Variants in EPB41L4A observed in about 807,000 individuals in gnomAD.
EPB41L4A encodes the protein erythrocyte membrane protein band 4.1 like 4A.
A neutral mutation model predicts 108.6 loss-of-function variants in EPB41L4A; 100 were observed. That is an observed-to-expected ratio of 0.92 (90% CI 0.78 to 1.09). EPB41L4A has a LOEUF of 1.09. Ranked by LOEUF, EPB41L4A falls within the 50% of genes least tolerant of loss-of-function variation. The pLI is 0.00. For synonymous variants in EPB41L4A, 319 were observed against 289.0 expected (o/e 1.10, Z -1.05); for missense variants, 1,030 against 842.7 (o/e 1.22, Z -2.75).
intron 2 of EPB41L4A, among the ~76,000 whole-genome samples, chr5:112,304,315 G>C (rs914856352): frequency 1.1e-4 from 16 of 152,112 alleles, no homozygotes; most frequent in African/African-American, 3.4e-4. Flanking sequence ...CTGTAAAGGA[G>C]CCTCAGGTGC....
chr5:112,326,010 G>C (rs901574212), intron 1 of EPB41L4A, among the ~76,000 whole-genome samples: 4 of 151,964 alleles, frequency 2.6e-5, no homozygotes, highest in African/African-American at 9.7e-5. Flanking sequence ...AATTAGCCAA[G>C]TGGGTGGCAC....
intron 1 of EPB41L4A, among the ~76,000 whole-genome samples, chr5:112,380,701 C>T (rs114914560): frequency 1.6e-3 from 241 of 151,994 alleles, no homozygotes; most frequent in African/African-American, 5.6e-3. Context: ...TTACAAAGCA[C>T]AGGGGAAAAA....
intron 4 of EPB41L4A, among the ~76,000 whole-genome samples, chr5:112,269,504 G>C (rs1365296838): frequency 6.6e-6 from 1 of 152,048 alleles, no homozygotes; most frequent in African/African-American, 2.4e-5. Flanking sequence ...GAACAAGTTA[G>C]AGTTGCTGAG....
At chr5:112,191,404 C>A in intron 17 of EPB41L4A, among the ~76,000 whole-genome samples, 1 of 152,150 alleles carries the variant, frequency 6.6e-6, no homozygotes, top group East Asian at 1.9e-4. Flanking sequence ...AAACAACAAT[C>A]TTTGCTTCTA....
At chr5:112,266,558 G>T (rs1751876611) in intron 4 of EPB41L4A, among the ~76,000 whole-genome samples, 1 of 152,158 alleles carries the variant, frequency 6.6e-6, no homozygotes, top group African/African-American at 2.4e-5. Context: ...CAACTGCTTG[G>T]CTTACTTCCC....
chr5:112,156,902 T>C (rs533429917), intron 12 of EPB41L4A, among the ~76,000 whole-genome samples: 3 of 152,234 alleles, frequency 2.0e-5, no homozygotes, highest in South Asian at 2.1e-4. Flanking sequence ...GTTCAATTCA[T>C]TGAACTTTAC....
chr5:112,273,761 T>C lies in EPB41L4A; in HGVS notation c.335+1565A>G, dbSNP rs765743092. 2.0e-5 allele frequency among the ~76,000 whole-genome samples: 3 copies of C among 152,188 alleles called. 1 individual carries two copies. The highest frequency in any genetic ancestry group is 4.4e-5 in the Non-Finnish European group (3 of 68,022). ...TTTAAAAAATGCTGTCCCCTTGCAA[T>C]TCCCTAACGAGTTACAGATATAAGT... On this transcript the variant is annotated intron_variant, in intron 4 of 22. Transcript: ENST00000261486.
intron 1 of EPB41L4A, among the ~76,000 whole-genome samples, chr5:112,407,800 TAGC>T (rs1050658131): frequency 6.6e-6 from 1 of 152,200 alleles, no homozygotes; most frequent in African/African-American, 2.4e-5. Context: ...ACAAAAGCAT[TAGC>T]AGCAGCAGGA....
chr5:112,287,027 C>G (rs1753330482), intron 2 of EPB41L4A, among the ~76,000 whole-genome samples: 1 of 152,174 alleles, frequency 6.6e-6, no homozygotes, highest in Admixed American at 6.5e-5. Flanking sequence ...GTCTCACTGG[C>G]CACGTCTTCA....
intron 12 of EPB41L4A, among the ~76,000 whole-genome samples, chr5:112,230,892 C>A (rs951883608): frequency 6.6e-6 from 1 of 152,098 alleles, no homozygotes; most frequent in South Asian, 2.1e-4. Flanking sequence ...CACTGCACTC[C>A]GGCCTGGGTG....
intron 2 of EPB41L4A, among the ~76,000 whole-genome samples, chr5:112,298,306 A>G (rs1213206989): frequency 6.6e-6 from 1 of 152,078 alleles, no homozygotes; most frequent in Admixed American, 6.6e-5. Context: ...CGTTCATATT[A>G]TGTTGGCTGT....
intron 3 of EPB41L4A, among the ~76,000 whole-genome samples, chr5:112,278,024 G>A (rs1201911627): frequency 6.6e-6 from 1 of 152,092 alleles, no homozygotes; most frequent in Non-Finnish European, 1.5e-5. Flanking sequence ...CTTTGATAAG[G>A]AGTTTCTCAT....
intron 12 of EPB41L4A, among the ~76,000 whole-genome samples, chr5:112,153,552 A>G (rs555103365): frequency 6.7e-6 from 1 of 149,780 alleles, no homozygotes; most frequent in African/African-American, 2.4e-5. Context: ...AAGAAAAGAA[A>G]AAGAAAAAAT....
chr5:112,355,120 T>C (rs1357007341), intron 1 of EPB41L4A, among the ~76,000 whole-genome samples: 5 of 152,186 alleles, frequency 3.3e-5, no homozygotes, highest in Admixed American at 3.3e-4. Flanking sequence ...TGAACACAGA[T>C]TTATACTCAA....
chr5:112,220,631 C>T (rs780850177), intron 12 of EPB41L4A, among the ~76,000 whole-genome samples: 2 of 152,162 alleles, frequency 1.3e-5, no homozygotes, highest in Non-Finnish European at 2.9e-5. Context: ...GTGTTGCCCT[C>T]CCCACCTGAC....
In EPB41L4A at chr5:112,164,757, C is replaced by G. The variant is rs886100178; in HGVS notation, c.*233G>C. 1 of 312,672 alleles carries G rather than the reference C, an allele frequency of 3.2e-6. No individual in the cohort carries two copies. The highest frequency in any genetic ancestry group is 2.2e-5 in the African/African-American group (1 of 45,268). 19.4% of individuals were successfully genotyped at this position (312,672 alleles called of 1,614,324 possible). On this transcript the variant is annotated 3_prime_UTR_variant, in exon 23 of 23. Coordinates refer to ENST00000261486, the MANE Select transcript of EPB41L4A (RefSeq NM_022140.5). ...GCCTGAGACAGGAGAATCGCTTAAC[C>G]CAGTAAGTGGAGGCTGCGGTGAGCT...
chr5:112,173,242 C>A (rs569538541), intron 18 of EPB41L4A, among the ~76,000 whole-genome samples: 1 of 151,976 alleles, frequency 6.6e-6, no homozygotes, highest in Non-Finnish European at 1.5e-5. Flanking sequence ...TGACAACTAC[C>A]GGAAGTGGTG....
At chr5:112,391,726 G>A (rs964955939) in intron 1 of EPB41L4A, among the ~76,000 whole-genome samples, 1 of 152,136 alleles carries the variant, frequency 6.6e-6, no homozygotes, top group African/African-American at 2.4e-5. Flanking sequence ...AGGAAATACA[G>A]AGAACACCAT....
chr5:112,197,605 C>T (rs951219571), intron 15 of EPB41L4A, among the ~76,000 whole-genome samples: 1 of 152,168 alleles, frequency 6.6e-6, no homozygotes, highest in Non-Finnish European at 1.5e-5. Context: ...TTTTGCTTAT[C>T]ACTAATTCTT....
Sources: gnomAD v4.1 joint callset for allele counts (sites outside exome capture counted in the v4.1 genomes callset) on GRCh38, gnomAD v4.1.1 for gene constraint, MANE v1.5 for transcripts, NCBI Gene and HGNC (gene_info 2026-07-23, HGNC 2026-07-21) for gene names.